NCKAP1: variants seen among roughly 807,000 people sequenced by gnomAD.
The protein encoded by NCKAP1 is nck-associated protein 1.
A neutral mutation model predicts 151.2 loss-of-function variants in NCKAP1; 21 were observed. The observed-to-expected ratio is 0.14, with a 90% confidence interval of 0.10 to 0.20. The LOEUF (loss-of-function observed/expected upper bound fraction) is 0.20, where lower values mean the gene tolerates loss of function less well. NCKAP1 is among the 10% of genes least tolerant of loss of function. The probability of loss-of-function intolerance (pLI) is 1.00; values close to 1 mark genes in which losing one functional copy is unlikely to be tolerated. For missense variants in NCKAP1, 933 were observed against 1,352.1 expected, an observed-to-expected ratio of 0.69 and a Z score of 4.86; for synonymous variants, 484 against 451.8, an observed-to-expected ratio of 1.07 and a Z score of -0.90.
intron 15 of NCKAP1, among the ~76,000 whole-genome samples, chr2:182,971,493 C>T (rs934708101): frequency 1.4e-5 from 2 of 147,550 alleles, no homozygotes; most frequent in Non-Finnish European, 3.0e-5. Context: ...ATTCAATAAA[C>T]TATCTATCTA....
intron 10 of NCKAP1, among the ~76,000 whole-genome samples, chr2:182,985,009 T>A (rs925676815): frequency 3.3e-5 from 5 of 152,194 alleles, no homozygotes; most frequent in African/African-American, 1.2e-4. Flanking sequence ...AAATAATAAT[T>A]ATGTGCATTT....
At chr2:182,972,224 C>CAAAAAAAAAA (rs56834438) in intron 15 of NCKAP1, among the ~76,000 whole-genome samples, 24 of 67,692 alleles carry the variant, frequency 3.5e-4, no homozygotes, top group Non-Finnish European at 4.3e-4. Flanking sequence ...AGCTTAATAG[C>CAAAAAAAAAA]AAAAAAAAAA....
rs117676811 is a variant in NCKAP1, at chr2:182,954,191, C to T, written c.2154-860G>A. On this transcript the variant is annotated intron_variant, in intron 20 of 30. Transcript: ENST00000361354. ...TGCCTGACTTAGTGCTGCCTCTAAACAAACTGTATGACAGTCAAACAAAAT... is the reference window on the plus strand; with the variant it reads ...TGCCTGACTTAGTGCTGCCTCTAAATAAACTGTATGACAGTCAAACAAAAT... 3.7e-3 allele frequency among the ~76,000 whole-genome samples: 566 copies of T among 152,274 alleles called. 11 individuals carry two copies. The highest frequency in any genetic ancestry group is 0.036 in the East Asian group (185 of 5,184).
chr2:182,992,591 C>T (rs77318535), intron 8 of NCKAP1, among the ~76,000 whole-genome samples: 8,239 of 152,260 alleles, frequency 0.054, 296 homozygotes, highest in Non-Finnish European at 0.08. Flanking sequence ...ACTCTGAAAG[C>T]TGTTTTTCTA....
intron 1 of NCKAP1, among the ~76,000 whole-genome samples, chr2:183,033,481 T>C (rs1363721192): frequency 6.6e-6 from 1 of 152,228 alleles, no homozygotes; most frequent in Admixed American, 6.5e-5. Flanking sequence ...CACTGCATTT[T>C]AGTTAAATAT....
chr2:182,978,480 G>C (rs925612150), intron 14 of NCKAP1, among the ~76,000 whole-genome samples: 5 of 152,052 alleles, frequency 3.3e-5, no homozygotes, highest in African/African-American at 1.2e-4. Context: ...TGGAGTAAAT[G>C]GGATAATATA....
intron 24 of NCKAP1, among the ~76,000 whole-genome samples, chr2:182,940,899 G>T (rs1696982518): frequency 1.3e-5 from 2 of 152,168 alleles, no homozygotes; most frequent in Non-Finnish European, 2.9e-5. Flanking sequence ...GGCAACCACA[G>T]ATCTGTCCTA....
chr2:182,936,593 G>A (rs1054810643), intron 24 of NCKAP1, among the ~76,000 whole-genome samples: 1 of 152,196 alleles, frequency 6.6e-6, no homozygotes, highest in East Asian at 1.9e-4. Context: ...AGTAGGAATA[G>A]AGAGAAGTGT....
intron 2 of NCKAP1, among the ~76,000 whole-genome samples, chr2:183,015,684 A>C (rs1489176017): frequency 6.6e-6 from 1 of 151,998 alleles, no homozygotes. Context: ...CTTACAGCCC[A>C]AAGTGTGACA....
chr2:182,993,572 C>T (rs1306472264), intron 8 of NCKAP1, among the ~76,000 whole-genome samples: 2 of 152,054 alleles, frequency 1.3e-5, no homozygotes, highest in Non-Finnish European at 2.9e-5. Context: ...ATATCCTTTG[C>T]AGTAACACGG....
At chr2:182,955,261 T>C (rs1255392370) in intron 20 of NCKAP1, among the ~76,000 whole-genome samples, 1 of 152,184 alleles carries the variant, frequency 6.6e-6, no homozygotes, top group Non-Finnish European at 1.5e-5. Flanking sequence ...ACTTAACACA[T>C]TGTTAAGCAT....
At chr2:182,934,548 T>C (rs1257612469) in intron 26 of NCKAP1, 2 of 446,550 alleles carry the variant, frequency 4.5e-6, no homozygotes, top group African/African-American at 2.0e-5. Context: ...CTATAGGTGA[T>C]CAAAGAAGAC....
In NCKAP1 at chr2:182,909,738, A is replaced by G. The variant is rs1559062942; in HGVS notation, c.*15964T>C. The stretch of plus-strand genomic sequence containing the variant: ...ACACCAAAATACAAATAAGTCAACT[A>G]GAAATGAGAATTTTCTGTGCTCCAT... On this transcript the variant is annotated 3_prime_UTR_variant, in exon 31 of 31. Coordinates refer to ENST00000361354, the MANE Select transcript of NCKAP1 (RefSeq NM_013436.5). 1 of 152,234 alleles carries G rather than the reference A, an allele frequency of 6.6e-6. No homozygotes were observed. Among genetic ancestry groups the G allele is most frequent in the African/African-American group, 2.4e-5 (1 of 41,458 alleles). 9.4% of individuals were successfully genotyped at this position (152,234 alleles called of 1,614,324 possible). A position where few individuals can be genotyped will look rare whatever the true frequency, so the allele number is the denominator to read the frequency against.
At chr2:182,936,085 T>C (rs963811033) in intron 24 of NCKAP1, among the ~76,000 whole-genome samples, 6 of 151,912 alleles carry the variant, frequency 3.9e-5, no homozygotes, top group Admixed American at 3.9e-4. Flanking sequence ...AGCAAGACCC[T>C]GTCTCTACAA....
chr2:182,994,931 A>C (rs753486143), intron 7 of NCKAP1, 44 bp from the exon 8 acceptor site: 2 of 1,496,258 alleles, frequency 1.3e-6, no homozygotes, highest in South Asian at 2.3e-5. Context: ...AGAAATTCTA[A>C]AAAATATTCC....
chr2:182,943,555 T>C (rs1697039797), intron 23 of NCKAP1, among the ~76,000 whole-genome samples: 1 of 152,110 alleles, frequency 6.6e-6, no homozygotes, highest in South Asian at 2.1e-4. Context: ...AGCCTGATAG[T>C]GACCATGCAC....
chr2:182,984,163 A>T (rs1698000438), intron 10 of NCKAP1, among the ~76,000 whole-genome samples: 1 of 152,202 alleles, frequency 6.6e-6, no homozygotes, highest in Admixed American at 6.5e-5. Context: ...TTCCTATTAA[A>T]TATACAAAAC....
In NCKAP1 at chr2:182,930,744, A is replaced by G. The variant is rs776879635; in HGVS notation, c.2904T>C (p.Pro968=). The part of the protein sequence containing the change: ...VYELSSAAGL[P]CEIDPALVVA... ...CGACCAATGCAGGATCAATCTCACAAGGTAATCCGGCAGCTGATGATAACT... is the reference window on the plus strand; with the variant it reads ...CGACCAATGCAGGATCAATCTCACAGGGTAATCCGGCAGCTGATGATAACT... Residue 968 remains proline, a synonymous_variant, in exon 27 of 31, where the codon CCT becomes CCC. Transcript: ENST00000361354. 1.2e-6 allele frequency: 2 copies of G among 1,613,510 alleles called. No homozygotes were observed. The highest frequency in any genetic ancestry group is 1.1e-5 in the South Asian group (1 of 91,056).
At chr2:183,024,415 T>C (rs1237058127) in intron 1 of NCKAP1, among the ~76,000 whole-genome samples, 1 of 152,180 alleles carries the variant, frequency 6.6e-6, no homozygotes, top group African/African-American at 2.4e-5. Context: ...ATTGTCTTTA[T>C]AGTGCTAAGG....
Sources: allele counts gnomAD v4.1 joint callset (sites outside exome capture counted in the v4.1 genomes callset), GRCh38; gene constraint gnomAD v4.1.1; transcripts MANE v1.5; gene names NCBI Gene and HGNC (gene_info 2026-07-23, HGNC 2026-07-21).